Variants in SACS observed in about 807,000 individuals in gnomAD.
SACS encodes the protein sacsin molecular chaperone.
Under a neutral mutation model 348.0 loss-of-function variants are expected in SACS, and 197 were observed. The observed-to-expected ratio is 0.57, with a 90% CI of 0.50 to 0.64. The LOEUF (loss-of-function observed/expected upper bound fraction) is 0.64, where lower values mean the gene tolerates loss of function less well. SACS is among the 30% of genes least tolerant of loss of function. The probability of loss-of-function intolerance (pLI) is 0.00; values close to 1 mark genes in which losing one functional copy is unlikely to be tolerated. For missense variants in SACS, 4,999 were observed against 5,360.8 expected, an observed-to-expected ratio of 0.93 and a Z score of 2.11; for synonymous variants, 1,985 against 1,910.6, an observed-to-expected ratio of 1.04 and a Z score of -1.02.
At chr13:23,348,892 C>G (rs1869783056) in intron 9 of SACS, among the ~76,000 whole-genome samples, 1 of 152,196 alleles carries the variant, frequency 6.6e-6, no homozygotes, top group South Asian at 2.1e-4. Context: ...GGTCTCTCTG[C>G]TCTCATGAAA....
intron 2 of SACS, among the ~76,000 whole-genome samples, chr13:23,380,090 G>C (rs1871980819): frequency 6.6e-6 from 1 of 151,376 alleles, no homozygotes; most frequent in Admixed American, 6.6e-5. Flanking sequence ...TCTTGAGGAA[G>C]GTCTCACCCC....
chr13:23,420,406 A>G (rs561373599), intron 1 of SACS, among the ~76,000 whole-genome samples: 6 of 151,860 alleles, frequency 4.0e-5, no homozygotes, highest in South Asian at 2.1e-4. Flanking sequence ...CGGTGGCCCA[A>G]TGTAAATCTG....
rs752299286 is a variant in SACS, at chr13:23,333,645, G to A, written c.10231C>T (p.Pro3411Ser). The change falls in exon 10 of 10, where the codon CCG (proline) becomes TCG (serine). Residue 3411 changes from proline (P) to serine (S), a missense_variant. Physicochemically the swap from Pro to Ser is moderately conservative, Grantham distance 74 (BLOSUM62 -1). Around this residue, in one of 6 missense-constraint regions of SACS, gnomAD observed 734 missense variants for 694.0 expected, o/e 1.06. Coordinates refer to ENST00000382292, the MANE Select transcript of SACS (RefSeq NM_014363.6). ...CGGCCACTGATGGATTTATAGCACG[G>A]AAGTGACTTTAGAATTTTTATATCA... ...QDDIKILKSL[P>S]CYKSISGRYV... The A allele has an allele frequency of 1.2e-6, 2 of 1,613,782 alleles. No homozygotes were observed. Among genetic ancestry groups the A allele is most frequent in the Admixed American group, 1.7e-5 (1 of 59,998 alleles).
At position 23,340,881 on chromosome 13, in the gene SACS, T is replaced by C. The variant is rs1361127028; in HGVS notation, c.2995A>G (p.Ile999Val). Residue 999 changes from isoleucine to valine, a missense_variant, in exon 10 of 10, where the codon ATT becomes GTT. Ile to Val is a conservative substitution (Grantham distance 29, BLOSUM62 3). This residue lies in a region of SACS where 3,156 missense variants were observed against 3,380.1 expected (regional missense o/e 0.93). Coordinates refer to ENST00000382292, the MANE Select transcript of SACS (RefSeq NM_014363.6). ...TCATGTGAATAAAATGCATTTTCAATATCTTTTAAAACAAGCTTTAAGCAG... is the reference window on the plus strand; with the variant it reads ...TCATGTGAATAAAATGCATTTTCAACATCTTTTAAAACAAGCTTTAAGCAG... Reference protein sequence around the residue: ...TSCLKLVLKDIENAFYSHEEV... With the variant: ...TSCLKLVLKDVENAFYSHEEV... 2.5e-6 allele frequency: 4 copies of C among 1,610,610 alleles called. No homozygotes were observed. Among genetic ancestry groups the C allele is most frequent in the Non-Finnish European group, 3.4e-6 (4 of 1,177,506 alleles).
At position 23,355,764 on chromosome 13, in the gene SACS, C is replaced by T. The variant is rs369408675; in HGVS notation, c.848G>A (p.Ser283Asn). ...FPLRLQPSQLSSNLYNKQKVL... is the reference protein window; with the variant it reads ...FPLRLQPSQLNSNLYNKQKVL... ...CTTCTGCTTATTGTAGAGGTTACTA[C>T]TAAGTTGTGAAGGTTGTAGGCGAAG... is the stretch of plus-strand genomic sequence containing the variant. Residue 283 changes from serine (S) to asparagine (N), a missense_variant, in exon 8 of 10, where the codon AGT (serine) becomes AAT (asparagine). Physicochemically the swap from Ser to Asn is conservative, Grantham distance 46 (BLOSUM62 1). This residue lies in a region of SACS where 3,156 missense variants were observed against 3,380.1 expected (regional missense o/e 0.93). Transcript: ENST00000382292. 3.1e-6 allele frequency: 5 copies of T among 1,614,072 alleles called. No individual in the cohort carries two copies. The African/African-American group carries it at 5.3e-5, about 17-fold the overall frequency.
At chr13:23,378,583 G>A (rs925473258) in intron 2 of SACS, among the ~76,000 whole-genome samples, 3 of 152,118 alleles carry the variant, frequency 2.0e-5, no homozygotes, top group Admixed American at 1.3e-4. Flanking sequence ...TGGGATTACA[G>A]GTGAGCACTA....
chr13:23,341,228 A>T lies in SACS; in HGVS notation c.2648T>A (p.Met883Lys). 3.1e-6 allele frequency: 5 copies of T among 1,614,040 alleles called. No individual in the cohort carries two copies. The highest frequency in any genetic ancestry group is 4.2e-6 in the Non-Finnish European group (5 of 1,180,002). Residue 883 changes from methionine to lysine, a missense_variant, in exon 10 of 10, where the codon ATG (methionine) becomes AAG (lysine). Coordinates refer to ENST00000382292, the MANE Select transcript of SACS (RefSeq NM_014363.6). ...PSAVLQIMEK[M>K]PLQKLCNQIT... Reference sequence around the variant, plus strand: ...TTGATTACACAATTTCTGCAATGGCATCTTCTCCATTATCTGCAAAACAGC... The same window carrying T: ...TTGATTACACAATTTCTGCAATGGCTTCTTCTCCATTATCTGCAAAACAGC...
At chr13:23,425,489 C>T (rs1361096779) in intron 1 of SACS, among the ~76,000 whole-genome samples, 2 of 152,090 alleles carry the variant, frequency 1.3e-5, no homozygotes, top group East Asian at 3.9e-4. Context: ...AGTCCAGTGT[C>T]GTTTGGGGCC....
chr13:23,368,064 T>C (rs1374110331), intron 5 of SACS, among the ~76,000 whole-genome samples: 3 of 151,192 alleles, frequency 2.0e-5, no homozygotes, highest in Non-Finnish European at 3.0e-5. Context: ...GGCTGGCCGG[T>C]TGGCTGGCTG....
intron 2 of SACS, among the ~76,000 whole-genome samples, chr13:23,401,486 T>C (rs1872975587): frequency 6.6e-6 from 1 of 152,238 alleles, no homozygotes; most frequent in Non-Finnish European, 1.5e-5. Context: ...TCTCCCTTAA[T>C]GTAGAAAACC....
At chr13:23,369,320 G>A (rs934305595) in intron 4 of SACS, among the ~76,000 whole-genome samples, 4 of 152,046 alleles carry the variant, frequency 2.6e-5, no homozygotes, top group African/African-American at 7.2e-5. Flanking sequence ...TAGACCAACT[G>A]ACCAGGTCAC....
chr13:23,358,323 C>T lies in SACS; in HGVS notation c.604+12G>A, dbSNP rs1870518230. The T allele has an allele frequency of 6.2e-7, 1 of 1,612,968 alleles. No individual in the cohort carries two copies. The highest frequency in any genetic ancestry group is 1.1e-5 in the South Asian group (1 of 91,060). ...TTTTCTAATACCAAGACCGAAAAGC[C>T]TAATACTCTACCTGTTATATGATAG... On this transcript the variant is annotated intron_variant, in intron 7 of 9. Transcript: ENST00000382292.
intron 2 of SACS, among the ~76,000 whole-genome samples, chr13:23,379,160 C>T (rs1030131224): frequency 6.6e-5 from 10 of 152,154 alleles, no homozygotes; most frequent in Admixed American, 3.3e-4. Context: ...GCTGGGAAAG[C>T]GTGGACAGGT....
chr13:23,355,101 G>A lies in SACS; in HGVS notation c.1511C>T (p.Ala504Val). The A allele has an allele frequency of 2.5e-6, 4 of 1,614,162 alleles. No individual in the cohort carries two copies. Among genetic ancestry groups the A allele is most frequent in the Non-Finnish European group, 3.4e-6 (4 of 1,180,024 alleles). ...EFLVMNVVPK[A>V]YATLILDSIK... ...TGAATCTAAGATCAGAGTAGCATAA[G>A]CTTTGGGGACAACATTCATGACAAG... The change falls in exon 8 of 10, where the codon GCT becomes GTT. Residue 504 changes from alanine (A) to valine (V), a missense_variant. Ala to Val is a moderately conservative substitution (Grantham distance 64). Coordinates refer to ENST00000382292, the MANE Select transcript of SACS (RefSeq NM_014363.6).
At chr13:23,426,717 G>C (rs1874197906) in intron 1 of SACS, among the ~76,000 whole-genome samples, 1 of 152,004 alleles carries the variant, frequency 6.6e-6, no homozygotes, top group Non-Finnish European at 1.5e-5. Context: ...AAGAAGACTG[G>C]AAGTGAGTCA....
At chr13:23,346,227 C>A (rs1461359331) in intron 9 of SACS, among the ~76,000 whole-genome samples, 1 of 152,210 alleles carries the variant, frequency 6.6e-6, no homozygotes, top group Non-Finnish European at 1.5e-5. Flanking sequence ...TTCACTGCAA[C>A]CTCTGCCGCC....
At chr13:23,364,080 CTT>C (rs1401690646) in intron 6 of SACS, among the ~76,000 whole-genome samples, 1 of 152,156 alleles carries the variant, frequency 6.6e-6, no homozygotes, top group Admixed American at 6.6e-5. Context: ...CCACACACCT[CTT>C]TTTATAGAGT....
rs761267877 is a variant in SACS at position 23,341,536 on chromosome 13, C to T, written c.2340G>A (p.Lys780=). 24 of 1,613,980 alleles carry T rather than the reference C, an allele frequency of 1.5e-5. No homozygotes were observed. Among genetic ancestry groups the T allele is most frequent in the Non-Finnish European group, 1.9e-5 (22 of 1,180,018 alleles). ...GTATATAAAGATTTTTCCAAACCAT[C>T]TTAAGCCATGAAACAGATGGGTGAT... The part of the protein sequence containing the change: ...NRNHPSVSWL[K]MVWKNLYIHF... Residue 780 remains lysine (K), a synonymous_variant, in exon 10 of 10, where the codon AAG becomes AAA. Coordinates refer to ENST00000382292, the MANE Select transcript of SACS (RefSeq NM_014363.6).
intron 2 of SACS, among the ~76,000 whole-genome samples, chr13:23,408,847 C>A (rs1873346499): frequency 6.6e-6 from 1 of 150,840 alleles, no homozygotes; most frequent in Non-Finnish European, 1.5e-5. Context: ...CACCTGTAGT[C>A]CCAGCTCGGG....
Sources: allele counts gnomAD v4.1 joint callset (sites outside exome capture counted in the v4.1 genomes callset), GRCh38; gene constraint gnomAD v4.1.1; regional missense constraint gnomAD v4.1.1; transcripts MANE v1.5; gene names NCBI Gene and HGNC (gene_info 2026-07-23, HGNC 2026-07-21).